RBFOX1: variants seen among roughly 807,000 people sequenced by gnomAD.
RBFOX1 encodes the protein RNA binding protein fox-1 homolog 1.
Under a neutral mutation model 57.7 loss-of-function variants are expected in RBFOX1, and 8 were observed. The observed-to-expected ratio is 0.14, with a 90% CI of 0.08 to 0.25. The LOEUF (loss-of-function observed/expected upper bound fraction) is 0.25, where lower values mean the gene tolerates loss of function less well. Ranked by LOEUF, RBFOX1 falls within the 10% of genes least tolerant of loss-of-function variation. The pLI is 1.00. For synonymous variants in RBFOX1, 326 were observed against 222.4 expected (o/e 1.47, Z -4.15); for missense variants, 611 against 548.5 (o/e 1.11, Z -1.14).
chr16:5,358,824 T>C (rs1179202840), intron 1 of RBFOX1, among the ~76,000 whole-genome samples: 1 of 151,984 alleles, frequency 6.6e-6, no homozygotes, highest in Non-Finnish European at 1.5e-5. Context: ...CAAAACTCCA[T>C]CTCAAAAAAA....
intron 2 of RBFOX1, among the ~76,000 whole-genome samples, chr16:6,568,502 C>G (rs1326069053): frequency 6.6e-6 from 1 of 152,132 alleles, no homozygotes; most frequent in African/African-American, 2.4e-5. Flanking sequence ...AACCCAACCT[C>G]AGAGTGACAT....
At chr16:5,885,944 T>C (rs2057889184) in intron 4 of RBFOX1, among the ~76,000 whole-genome samples, 1 of 152,048 alleles carries the variant, frequency 6.6e-6, no homozygotes, top group African/African-American at 2.4e-5. Context: ...TGGGAGGTGA[T>C]TGGGTTATGT....
At chr16:6,701,999 C>G (rs996100974) in intron 3 of RBFOX1, among the ~76,000 whole-genome samples, 1 of 152,096 alleles carries the variant, frequency 6.6e-6, no homozygotes, top group Non-Finnish European at 1.5e-5. Flanking sequence ...GGGTACTATG[C>G]TTATTACCTG....
At chr16:7,552,926 G>C (rs2087032305) in intron 5 of RBFOX1, among the ~76,000 whole-genome samples, 1 of 151,854 alleles carries the variant, frequency 6.6e-6, no homozygotes, top group South Asian at 2.1e-4. Context: ...CAGGTGATCT[G>C]CCCGCCTCGG....
intron 2 of RBFOX1, among the ~76,000 whole-genome samples, chr16:5,482,944 G>T (rs1283327434): frequency 2.0e-5 from 3 of 152,188 alleles, no homozygotes; most frequent in African/African-American, 7.2e-5. Flanking sequence ...GCAGCTTATG[G>T]GTTAGAAGTC....
chr16:5,433,822 C>T (rs2067827981), intron 1 of RBFOX1, among the ~76,000 whole-genome samples: 1 of 152,138 alleles, frequency 6.6e-6, no homozygotes, highest in Non-Finnish European at 1.5e-5. Context: ...TGGTGCATAC[C>T]AGCACAGTAA....
chr16:6,865,456 C>G (rs949690040), intron 3 of RBFOX1, among the ~76,000 whole-genome samples: 3 of 152,256 alleles, frequency 2.0e-5, no homozygotes, highest in Admixed American at 1.3e-4. Flanking sequence ...TATTTCCTTT[C>G]TAGCCCCACA....
intron 4 of RBFOX1, among the ~76,000 whole-genome samples, chr16:7,211,391 CAAAA>C (rs57333413): frequency 3.6e-5 from 3 of 83,938 alleles, no homozygotes; most frequent in African/African-American, 9.3e-5. Flanking sequence ...GACTGCCTCT[CAAAA>C]AAAAAAAAAA....
At chr16:5,438,121 T>C (rs1016386264) in intron 1 of RBFOX1, among the ~76,000 whole-genome samples, 3 of 152,210 alleles carry the variant, frequency 2.0e-5, no homozygotes, top group African/African-American at 7.2e-5. Flanking sequence ...CACAACATTG[T>C]ATTGATCTTT....
intron 3 of RBFOX1, among the ~76,000 whole-genome samples, chr16:7,029,121 CATAT>C (rs1276514023): frequency 1.3e-5 from 1 of 78,998 alleles, no homozygotes; most frequent in African/African-American, 6.3e-5. Flanking sequence ...CACACACACA[CATAT>C]ACGTATATAT....
At chr16:7,068,045 G>T (rs184638460) in intron 4 of RBFOX1, among the ~76,000 whole-genome samples, 5 of 145,574 alleles carry the variant, frequency 3.4e-5, no homozygotes, top group African/African-American at 1.3e-4. Flanking sequence ...TGACTCTCTC[G>T]TGCCTCTTCT....
In RBFOX1 at chr16:6,569,413, C is replaced by G. The variant is rs181442694; in HGVS notation, c.-63-85190C>G. Among the ~76,000 whole-genome samples the G allele has an allele frequency of 2.7e-3, 415 of 152,252 alleles. 4 individuals are homozygous for G. The highest frequency in any genetic ancestry group is 4.4e-3 in the Non-Finnish European group (300 of 68,024). The stretch of plus-strand genomic sequence containing the variant: ...CAGAATGTTTGCCAGACTAAGGGCA[C>G]TTAGGAAGTGTTGACTTTTATTCTT... On this transcript the variant is annotated intron_variant, in intron 2 of 15. Transcript: ENST00000550418.
intron 4 of RBFOX1, among the ~76,000 whole-genome samples, chr16:7,396,918 G>A (rs982545654): frequency 6.6e-6 from 1 of 152,082 alleles, no homozygotes; most frequent in East Asian, 1.9e-4. Flanking sequence ...TCCGGCCTGG[G>A]CTATAGGGTG....
chr16:7,281,680 T>C (rs747622316), intron 4 of RBFOX1, among the ~76,000 whole-genome samples: 1 of 152,070 alleles, frequency 6.6e-6, no homozygotes, highest in Admixed American at 6.6e-5. Context: ...GAGAGCAATA[T>C]GCAAATCAGT....
chr16:6,897,871 T>G (rs1242500141), intron 3 of RBFOX1, among the ~76,000 whole-genome samples: 1 of 152,148 alleles, frequency 6.6e-6, no homozygotes, highest in Admixed American at 6.5e-5. Context: ...CATCTGTCCC[T>G]TCATACCCTA....
chr16:6,574,419 C>T (rs1017808241), intron 2 of RBFOX1, among the ~76,000 whole-genome samples: 3 of 126,390 alleles, frequency 2.4e-5, no homozygotes, highest in Admixed American at 9.5e-5. Context: ...CTGTCCGTAT[C>T]TTCTATTTTT....
intron 2 of RBFOX1, among the ~76,000 whole-genome samples, chr16:6,587,026 G>T (rs970485851): frequency 6.6e-6 from 1 of 152,110 alleles, no homozygotes; most frequent in Non-Finnish European, 1.5e-5. Flanking sequence ...GTGTGTGTGT[G>T]TGTTGAGAAC....
chr16:7,254,542 A>G (rs1223894500), intron 4 of RBFOX1, among the ~76,000 whole-genome samples: 2 of 150,750 alleles, frequency 1.3e-5, no homozygotes, highest in African/African-American at 4.9e-5. Context: ...TTATTTTATT[A>G]TTTCTCTAAC....
At chr16:6,250,656 C>T (rs1160842787) in intron 1 of RBFOX1, among the ~76,000 whole-genome samples, 2 of 152,152 alleles carry the variant, frequency 1.3e-5, no homozygotes, top group East Asian at 1.9e-4. Context: ...TAGATTGGTT[C>T]TCTGCACCAG....
Sources: allele counts gnomAD v4.1 joint callset (sites outside exome capture counted in the v4.1 genomes callset), GRCh38; gene constraint gnomAD v4.1.1; transcripts MANE v1.5; gene names NCBI Gene and HGNC (gene_info 2026-07-23, HGNC 2026-07-21).